Variants in TOMM22 observed in about 807,000 individuals in gnomAD.
TOMM22 encodes the protein mitochondrial import receptor subunit TOM22 homolog.
A neutral mutation model predicts 17.1 loss-of-function variants in TOMM22; 3 were observed. That is an observed-to-expected ratio of 0.18 (90% confidence interval 0.08 to 0.45). TOMM22 has a LOEUF of 0.45. Among genes scored for constraint, TOMM22 ranks in the 20% least tolerant of loss-of-function variants. The probability of loss-of-function intolerance (pLI) is 0.99; values close to 1 mark genes in which losing one functional copy is unlikely to be tolerated. For missense variants in TOMM22, 159 were observed against 179.5 expected (o/e 0.89, Z 0.65); for synonymous variants, 91 against 74.0 (o/e 1.23, Z -1.18).
In TOMM22 at chr22:38,684,593, C is replaced by T. The variant is rs969561568; in HGVS notation, c.*752C>T. ...ACCTCCATCTTAACAGCCATAGGCC[C>T]AAATTGTTTCCAAGTGAAAATTCAT... On this transcript the variant is annotated 3_prime_UTR_variant, in exon 4 of 4. Transcript: ENST00000216034. 6.6e-6 allele frequency: 1 copy of T among 152,180 alleles called. No individual in the cohort carries two copies. The highest frequency in any genetic ancestry group is 2.1e-4 in the South Asian group (1 of 4,830). 9.4% of individuals were successfully genotyped at this position (152,180 alleles called of 1,614,324 possible). A position where few individuals can be genotyped will look rare whatever the true frequency, so the allele number is the denominator to read the frequency against.
chr22:38,683,748 CCCT>C lies in TOMM22; in HGVS notation c.355-15_355-13del. The C allele has an allele frequency of 6.2e-7, 1 of 1,607,512 alleles. No homozygotes were observed. ...TCTAGGCCTGTATGATGCCTTACACCCCTCCTTTTCTTTTCCAGATACTTCTAG... is the reference window on the plus strand; with the variant it reads ...TCTAGGCCTGTATGATGCCTTACACCCCTTTTCTTTTCCAGATACTTCTAG... On this transcript the variant is annotated splice_polypyrimidine_tract_variant and intron_variant, in intron 3 of 3. Transcript: ENST00000216034.
In TOMM22 at chr22:38,682,139, C is replaced by T. The variant is rs749097703; in HGVS notation, c.117+44C>T. 68 of 1,540,394 alleles carry T rather than the reference C, an allele frequency of 4.4e-5. No individual in the cohort carries two copies. In the African/African-American group the frequency reaches 4.7e-4, roughly 11 times the overall value. ...GTGCAGAGCGGGAAGCGGGCCCGCT[C>T]GTGGGTGTGGGATCCGCGTGGTACG... On this transcript the variant is annotated intron_variant, in intron 1 of 3. Coordinates refer to ENST00000216034, the MANE Select transcript of TOMM22 (RefSeq NM_020243.5).
chr22:38,683,671 C>T, intron 3 of TOMM22, 96 bp from the exon 4 acceptor site: 2 of 879,982 alleles, frequency 2.3e-6, no homozygotes, highest in East Asian at 2.4e-5. Flanking sequence ...ACTGTGCTTT[C>T]AGTATTATTT....
chr22:38,682,084 G>A lies in TOMM22; in HGVS notation c.106G>A (p.Asp36Asn), dbSNP rs1437125124. The stretch of plus-strand genomic sequence containing the variant: ...GCCTGAGGAGGAGCTGGAGGAGGAC[G>A]ACGATGAGGAGGTACTAGGGCCTCG... ...EKPEEELEEDDDEELDETLSE... is the reference protein window; with the variant it reads ...EKPEEELEEDNDEELDETLSE... The change falls in exon 1 of 4, where the codon GAC becomes AAC. Residue 36 changes from aspartate (D) to asparagine (N), a missense_variant. Coordinates refer to ENST00000216034, the MANE Select transcript of TOMM22 (RefSeq NM_020243.5). 7.6e-6 allele frequency: 12 copies of A among 1,581,810 alleles called. No individual in the cohort carries two copies. Among genetic ancestry groups the A allele is most frequent in the South Asian group, 1.1e-5 (1 of 87,230 alleles).
Position 38,683,748 on chromosome 22 carries a change from C to T in TOMM22, c.355-19C>T. 6.2e-7 allele frequency: 1 copy of T among 1,607,512 alleles called. No individual in the cohort carries two copies. The highest frequency in any genetic ancestry group is 8.5e-7 in the Non-Finnish European group (1 of 1,174,194). On this transcript the variant is annotated intron_variant, in intron 3 of 3. Transcript: ENST00000216034. ...TCTAGGCCTGTATGATGCCTTACAC[C>T]CCTCCTTTTCTTTTCCAGATACTTC...
In TOMM22 at chr22:38,682,983, T is replaced by A. The variant is rs1344426071; in HGVS notation, c.341T>A (p.Leu114Gln). Residue 114 changes from leucine (L) to glutamine (Q), a missense_variant, in exon 3 of 4, where the codon CTG (leucine) becomes CAG (glutamine). Physicochemically the swap from Leu to Gln is moderately radical, Grantham distance 113 (BLOSUM62 -2). Transcript: ENST00000216034. ...TTGCAAATGGAGCAACAGCAGCAAC[T>A]GCAGCAGCGGCAGGTGAGCCCAGAC... ...EKLQMEQQQQ[L>Q]QQRQILLGPN... The A allele has an allele frequency of 2.5e-6, 4 of 1,613,668 alleles. No homozygotes were observed. In the African/African-American group the frequency reaches 4.0e-5, roughly 16 times the overall value.
Position 38,683,910 on chromosome 22 carries a change from T to G in TOMM22, c.*69T>G. 7.1e-7 allele frequency: 1 copy of G among 1,411,854 alleles called. No individual in the cohort carries two copies. The highest frequency in any genetic ancestry group is 9.9e-7 in the Non-Finnish European group (1 of 1,014,026). The allele number at this position is 1,411,854 out of a possible 1,614,324, so 87.5% of individuals were successfully genotyped here. ...ATTCAAGTGTTTGAACTGCTGATAA[T>G]TTGGATTTTTTTTTTTTTTTAACTT... On this transcript the variant is annotated 3_prime_UTR_variant, in exon 4 of 4. Transcript: ENST00000216034.
At chr22:38,682,532 T>C (rs2092482118) in intron 2 of TOMM22, 91 bp downstream of exon 2, 2 of 1,122,022 alleles carry the variant, frequency 1.8e-6, no homozygotes, top group Non-Finnish European at 2.7e-6. Flanking sequence ...CAGACCCGTG[T>C]TGGGTGACCT....
Position 38,684,431 on chromosome 22 carries a change from AAG to A in TOMM22, c.*594_*595del, listed in dbSNP as rs1420639354. The A allele has an allele frequency of 3.3e-5, 5 of 152,248 alleles. 1 individual carries two copies. In the South Asian group the frequency reaches 1.0e-3, roughly 31 times the overall value. 9.4% of individuals were successfully genotyped at this position (152,248 alleles called of 1,614,324 possible). A position where few individuals can be genotyped will look rare whatever the true frequency, so the allele number is the denominator to read the frequency against. On this transcript the variant is annotated 3_prime_UTR_variant, in exon 4 of 4. Transcript: ENST00000216034. ...TTAGACCTGTGTGTGTGTTTAAAAA[AAG>A]AGAAGTCAGTGCTCACTTTTTGTAT... is the stretch of plus-strand genomic sequence containing the variant.
At chr22:38,683,638 G>T in intron 3 of TOMM22, 129 bp from the exon 4 acceptor site, 2 of 666,646 alleles carry the variant, frequency 3.0e-6, no homozygotes. Context: ...TTGGGATCGG[G>T]CCCATGCTCT....
chr22:38,683,664 G>C (rs2092486848), intron 3 of TOMM22, 103 bp from the exon 4 acceptor site: 1 of 834,994 alleles, frequency 1.2e-6, no homozygotes, highest in South Asian at 1.5e-5. Context: ...TTGTCTGACT[G>C]TGCTTTCAGT....
At chr22:38,682,767 C>T (rs1569259769) in intron 2 of TOMM22, 112 bp from the exon 3 acceptor site, 2 of 913,446 alleles carry the variant, frequency 2.2e-6, no homozygotes, top group South Asian at 1.4e-5. Context: ...GGGTAGAATA[C>T]GTTTATCAAA....
At chr22:38,682,178 G>T (rs1347107181) in intron 1 of TOMM22, 83 bp downstream of exon 1, 1 of 1,513,602 alleles carries the variant, frequency 6.6e-7, no homozygotes, top group Non-Finnish European at 9.0e-7. Flanking sequence ...TCGGAGCGAA[G>T]CGGCTGCTTT....
chr22:38,682,130 G>A, intron 1 of TOMM22, 35 bp downstream of exon 1: 1 of 1,543,748 alleles, frequency 6.5e-7, no homozygotes, highest in Non-Finnish European at 8.8e-7. Context: ...AGCGGGAAGC[G>A]GGCCCGCTCG....
At chr22:38,682,264 A>G (rs1037135714) in intron 1 of TOMM22, 59 bp from the exon 2 acceptor site, 1 of 1,579,072 alleles carries the variant, frequency 6.3e-7, no homozygotes. Flanking sequence ...CCAGTGCCGC[A>G]GCGGGGCCAG....
At position 38,685,101 on chromosome 22, in the gene TOMM22, G is replaced by A. The variant is rs2092492741; in HGVS notation, c.*1260G>A. The A allele has an allele frequency of 6.6e-6, 1 of 152,110 alleles. No individual in the cohort carries two copies. Among genetic ancestry groups the A allele is most frequent in the Admixed American group, 6.6e-5 (1 of 15,260 alleles). 9.4% of individuals were successfully genotyped at this position (152,110 alleles called of 1,614,324 possible). On this transcript the variant is annotated 3_prime_UTR_variant, in exon 4 of 4. Coordinates refer to ENST00000216034, the MANE Select transcript of TOMM22 (RefSeq NM_020243.5). ...CCCAGCCAGAGTAAGCCTTTTGTGTGTTTATCAGATCAACCAACACTACAA... is the reference window on the plus strand; with the variant it reads ...CCCAGCCAGAGTAAGCCTTTTGTGTATTTATCAGATCAACCAACACTACAA...
chr22:38,683,969 A>C lies in TOMM22; in HGVS notation c.*128A>C. 2.8e-6 allele frequency: 2 copies of C among 726,854 alleles called. No individual in the cohort carries two copies. The highest frequency in any genetic ancestry group is 1.8e-5 in the South Asian group (1 of 55,864). 45.0% of individuals were successfully genotyped at this position (726,854 alleles called of 1,614,324 possible). ...TGATCTATCTAAACCTGGTGGGGAGAATTATCCCCACATTGTCTCATGGAA... is the reference window on the plus strand; with the variant it reads ...TGATCTATCTAAACCTGGTGGGGAGCATTATCCCCACATTGTCTCATGGAA... On this transcript the variant is annotated 3_prime_UTR_variant, in exon 4 of 4. Transcript: ENST00000216034.
Position 38,682,345 on chromosome 22 carries a change from G to T in TOMM22, c.140G>T (p.Arg47Ile). ...CAGCTAGATGAGACCCTGTCGGAGA[G>T]ACTATGGGGCCTGACGGAGATGTTT... ...DEELDETLSE[R>I]LWGLTEMFPE... The change falls in exon 2 of 4, where the codon AGA (arginine) becomes ATA (isoleucine). Residue 47 changes from arginine to isoleucine, a missense_variant. By Grantham distance (97) the Arg-to-Ile change is moderately conservative (BLOSUM62 -3). This residue lies in a region of TOMM22 where 107 missense variants were observed against 100.2 expected (regional missense o/e 1.07). Coordinates refer to ENST00000216034, the MANE Select transcript of TOMM22 (RefSeq NM_020243.5). 1.2e-6 allele frequency: 2 copies of T among 1,614,236 alleles called. No homozygotes were observed. Among genetic ancestry groups the T allele is most frequent in the Non-Finnish European group, 1.7e-6 (2 of 1,180,048 alleles).
Position 38,681,986 on chromosome 22 carries a change from C to T in TOMM22, c.8C>T (p.Ala3Val), listed in dbSNP as rs202201801. The change falls in exon 1 of 4, where the codon GCC becomes GTC. Residue 3 changes from alanine (A) to valine (V), a missense_variant. Around this residue, in one of 3 missense-constraint regions of TOMM22, gnomAD observed 107 missense variants for 100.2 expected, o/e 1.07. Transcript: ENST00000216034. ...CCGGTGTCCCCTACAGTCATGGCTG[C>T]CGCCGTCGCTGCTGCCGGTGCAGGG... MAAAVAAAGAGEP... is the reference protein window; with the variant it reads MAVAVAAAGAGEP... 3.1e-6 allele frequency: 5 copies of T among 1,610,088 alleles called. No homozygotes were observed. Among genetic ancestry groups the T allele is most frequent in the Non-Finnish European group, 3.4e-6 (4 of 1,178,778 alleles).
Sources: allele counts gnomAD v4.1 joint callset, GRCh38; gene constraint gnomAD v4.1.1; regional missense constraint gnomAD v4.1.1; transcripts MANE v1.5; gene names NCBI Gene and HGNC (gene_info 2026-07-23, HGNC 2026-07-21).